The following SAMD8 variants were observed in gnomAD, a reference collection of about 807,000 sequenced individuals.
SAMD8 encodes sphingomyelin synthase-related protein 1.
In SAMD8, 20 loss-of-function variants were observed where a neutral mutation model predicts 42.0. That is an observed-to-expected ratio of 0.48 (90% CI 0.34 to 0.69). The LOEUF (loss-of-function observed/expected upper bound fraction) is 0.69. SAMD8 is among the 30% of genes least tolerant of loss of function. The probability of loss-of-function intolerance (pLI) is 0.01; values close to 1 mark genes in which losing one functional copy is unlikely to be tolerated. For synonymous variants in SAMD8, 162 were observed against 173.0 expected (o/e 0.94, Z 0.50); for missense variants, 328 against 511.6 (o/e 0.64, Z 3.46).
chr10:75,123,814 A>AG (rs780883624), intron 1 of SAMD8, among the ~76,000 whole-genome samples: 19 of 151,042 alleles, frequency 1.3e-4, no homozygotes, highest in Non-Finnish European at 2.2e-4. Context: ...CCTCAGCCTG[A>AG]GAGTAGCTAC....
chr10:75,128,465 G>A (rs1849198477), intron 1 of SAMD8, among the ~76,000 whole-genome samples: 1 of 151,940 alleles, frequency 6.6e-6, no homozygotes, highest in Non-Finnish European at 1.5e-5. Flanking sequence ...TCCTGAGTTC[G>A]CCTCCCAAAG....
chr10:75,180,986 TA>T lies in SAMD8; in HGVS notation c.*4297del. 1 of 152,340 alleles carries T rather than the reference TA, an allele frequency of 6.6e-6. No individual in the cohort carries two copies. Among genetic ancestry groups the T allele is most frequent in the Non-Finnish European group, 1.5e-5 (1 of 68,020 alleles). The allele number at this position is 152,340 out of a possible 1,614,324, so 9.4% of individuals were successfully genotyped here. A position where few individuals can be genotyped will look rare whatever the true frequency, so the allele number is the denominator to read the frequency against. ...AAGAATGTTAACCACATTCTTGTTT[TA>T]AACTCTCTAATTTAATAAATGTAAT... On this transcript the variant is annotated 3_prime_UTR_variant, in exon 6 of 6. Transcript: ENST00000542569.
chr10:75,109,305 T>C, upstream of SAMD8: 1 of 856,614 alleles, frequency 1.2e-6, no homozygotes, highest in Non-Finnish European at 1.6e-6. Flanking sequence ...CAAGACCTTT[T>C]CCTCCCCAAG....
intron 2 of SAMD8, 42 bp downstream of exon 2, chr10:75,151,148 A>G (rs770734494): frequency 9.7e-7 from 1 of 1,026,800 alleles, no homozygotes; most frequent in Non-Finnish European, 1.4e-6. Flanking sequence ...GGATGTTGCT[A>G]TAATTAACAG....
At chr10:75,163,093 T>C (rs1840596494) in intron 2 of SAMD8, among the ~76,000 whole-genome samples, 1 of 151,874 alleles carries the variant, frequency 6.6e-6, no homozygotes, top group South Asian at 2.1e-4. Context: ...CCCGGCTAAT[T>C]TTTTTGTATT....
chr10:75,169,080 G>A (rs1310644661), intron 4 of SAMD8, among the ~76,000 whole-genome samples: 1 of 134,790 alleles, frequency 7.4e-6, no homozygotes, highest in Non-Finnish European at 1.5e-5. Context: ...CTGAGGCAGA[G>A]AATTGCTTGA....
intron 1 of SAMD8, among the ~76,000 whole-genome samples, chr10:75,139,635 A>G (rs1040527995): frequency 3.9e-5 from 6 of 152,240 alleles, no homozygotes; most frequent in African/African-American, 7.2e-5. Flanking sequence ...ATAACAAATT[A>G]TAAGGAGTGA....
At chr10:75,128,364 C>G (rs1273813937) in intron 1 of SAMD8, among the ~76,000 whole-genome samples, 2 of 152,000 alleles carry the variant, frequency 1.3e-5, no homozygotes, top group African/African-American at 4.8e-5. Context: ...TGAGCCACCG[C>G]ACCCGCCCTT....
chr10:75,124,212 C>T (rs778601739), intron 1 of SAMD8, among the ~76,000 whole-genome samples: 14 of 152,142 alleles, frequency 9.2e-5, no homozygotes, highest in Non-Finnish European at 2.1e-4. Flanking sequence ...CTCTTCATTT[C>T]TCAGAGTCTT....
chr10:75,175,105 C>CT (rs1452893466), intron 4 of SAMD8, among the ~76,000 whole-genome samples: 1 of 152,004 alleles, frequency 6.6e-6, no homozygotes, highest in African/African-American at 2.4e-5. Flanking sequence ...GAGTTGTAGA[C>CT]TAAAAAAAGG....
Position 75,182,097 on chromosome 10 carries a change from CTAAAAA to C in SAMD8, c.*5411_*5416del, listed in dbSNP as rs1356073213. ...TGTTGTATTAAAATGTTTAAAAACA[CTAAAAA>C]TAAAACATTTGAAAGTTGGATTACA... On this transcript the variant is annotated 3_prime_UTR_variant, in exon 6 of 6. Transcript: ENST00000542569. 2 of 152,136 alleles carry C rather than the reference CTAAAAA, an allele frequency of 1.3e-5. No homozygotes were observed. The highest frequency in any genetic ancestry group is 2.4e-5 in the African/African-American group (1 of 41,432). 9.4% of individuals were successfully genotyped at this position (152,136 alleles called of 1,614,324 possible). A position where few individuals can be genotyped will look rare whatever the true frequency, so the allele number is the denominator to read the frequency against.
chr10:75,181,773 C>G lies in SAMD8; in HGVS notation c.*5081C>G, dbSNP rs78449086. Reference sequence around the variant, plus strand: ...GTCATCTTAAAAATGTTCACTTTTACTAAGTTTTATTCAGAGGATCTATGT... The same window carrying G: ...GTCATCTTAAAAATGTTCACTTTTAGTAAGTTTTATTCAGAGGATCTATGT... On this transcript the variant is annotated 3_prime_UTR_variant, in exon 6 of 6. Coordinates refer to ENST00000542569, the MANE Select transcript of SAMD8 (RefSeq NM_001174156.2). The G allele has an allele frequency of 1.0e-3, 157 of 152,230 alleles. No homozygotes were observed. The highest frequency in any genetic ancestry group is 3.7e-3 in the African/African-American group (154 of 41,548). 9.4% of individuals were successfully genotyped at this position (152,230 alleles called of 1,614,324 possible).
chr10:75,104,142 C>G (rs747055916), intron 1 of SAMD8: 1 of 1,285,984 alleles, frequency 7.8e-7, no homozygotes, highest in Non-Finnish European at 1.0e-6. Context: ...TGAACCAAGG[C>G]CCAGGCTGGC....
At chr10:75,157,245 G>T (rs1283738649) in intron 2 of SAMD8, among the ~76,000 whole-genome samples, 1 of 152,042 alleles carries the variant, frequency 6.6e-6, no homozygotes, top group Non-Finnish European at 1.5e-5. Flanking sequence ...GAGAGAGAGA[G>T]AGAGAGAGAG....
chr10:75,105,816 G>A, intron 1 of SAMD8: 1 of 1,550,946 alleles, frequency 6.4e-7, no homozygotes, highest in South Asian at 1.2e-5. Flanking sequence ...GGTAGGCCAG[G>A]ACCAGCGTGG....
At chr10:75,108,384 T>C, upstream of SAMD8, 1 of 1,243,582 alleles carries the variant, frequency 8.0e-7, no homozygotes, top group Non-Finnish European at 1.1e-6. Context: ...CCCCGCACTT[T>C]CTGGTGGCTG....
chr10:75,149,790 G>A (rs1840238464), intron 1 of SAMD8, among the ~76,000 whole-genome samples: 1 of 151,966 alleles, frequency 6.6e-6, no homozygotes, highest in Admixed American at 6.6e-5. Context: ...GTATTAAAAT[G>A]GGATTTTTCT....
At chr10:75,101,617 A>T (rs1307854708) in intron 1 of SAMD8, among the ~76,000 whole-genome samples, 1 of 152,188 alleles carries the variant, frequency 6.6e-6, no homozygotes, top group Non-Finnish European at 1.5e-5. Context: ...ACAGATGAGG[A>T]AACCGAGACT....
At chr10:75,143,979 T>C (rs1840078018) in intron 1 of SAMD8, among the ~76,000 whole-genome samples, 1 of 151,146 alleles carries the variant, frequency 6.6e-6, no homozygotes, top group African/African-American at 2.4e-5. Flanking sequence ...TTTTTTTTTT[T>C]TTTTTGGAGT....
Sources: gnomAD v4.1 joint callset for allele counts (sites outside exome capture counted in the v4.1 genomes callset) on GRCh38, gnomAD v4.1.1 for gene constraint, MANE v1.5 for transcripts, NCBI Gene and HGNC (gene_info 2026-07-23, HGNC 2026-07-21) for gene names.